Variants in MAST4 observed in about 807,000 individuals in gnomAD.
MAST4 encodes the protein microtubule-associated serine/threonine-protein kinase 4.
A neutral mutation model predicts 162.7 loss-of-function variants in MAST4; 89 were observed. The ratio of observed to expected loss-of-function variants is 0.55; its 90% CI spans 0.46 to 0.65. The LOEUF is 0.65. Among genes scored for constraint, MAST4 ranks in the 30% least tolerant of loss-of-function variants. MAST4 has a pLI of 0.00. For missense variants in MAST4, 3,153 were observed against 3,374.0 expected (o/e 0.93, Z 1.62); for synonymous variants, 1,479 against 1,361.1 (o/e 1.09, Z -1.91).
intron 19 of MAST4, 81 bp from the exon 20 acceptor site, chr5:67,142,031 ATTG>A (rs983622424): frequency 9.3e-6 from 13 of 1,392,006 alleles, no homozygotes; most frequent in Middle Eastern, 1.8e-4. Flanking sequence ...TGTTCTCAAA[ATTG>A]TTGTTAAAAA....
intron 3 of MAST4, among the ~76,000 whole-genome samples, chr5:66,827,551 G>C (rs1757329917): frequency 6.6e-6 from 1 of 152,176 alleles, no homozygotes; most frequent in African/African-American, 2.4e-5. Context: ...TGTGTTGACA[G>C]ACAGAAAGAG....
intron 2 of MAST4, among the ~76,000 whole-genome samples, chr5:66,779,393 CTTTT>C (rs57118930): frequency 1.7e-5 from 2 of 116,708 alleles, no homozygotes; most frequent in African/African-American, 3.2e-5. Context: ...ACACATAGCA[CTTTT>C]TTTTTTTTTT....
intron 4 of MAST4, among the ~76,000 whole-genome samples, chr5:66,976,341 G>T (rs1192858255): frequency 1.3e-5 from 2 of 152,188 alleles, no homozygotes; most frequent in Non-Finnish European, 2.9e-5. Context: ...CAGGCCTCTT[G>T]ATCTGCACTG....
At chr5:67,107,560 G>C (rs1322271195) in intron 10 of MAST4, among the ~76,000 whole-genome samples, 1 of 152,158 alleles carries the variant, frequency 6.6e-6, no homozygotes, top group Non-Finnish European at 1.5e-5. Flanking sequence ...CCATTGCAGA[G>C]GGGCCTGCCC....
chr5:66,783,125 G>A (rs910703774), intron 2 of MAST4, among the ~76,000 whole-genome samples: 4 of 152,120 alleles, frequency 2.6e-5, no homozygotes, highest in African/African-American at 9.7e-5. Context: ...CAAGACCTAC[G>A]CAAATAACGA....
intron 1 of MAST4, among the ~76,000 whole-genome samples, chr5:66,609,692 T>G (rs74748195): frequency 1.7e-4 from 20 of 116,196 alleles, no homozygotes; most frequent in African/African-American, 1.0e-3. Flanking sequence ...CAGCCTGGTG[T>G]TTTTTTTTTT....
intron 4 of MAST4, among the ~76,000 whole-genome samples, chr5:67,002,952 A>G (rs1234266793): frequency 6.7e-6 from 1 of 148,578 alleles, no homozygotes; most frequent in Non-Finnish European, 1.5e-5. Flanking sequence ...CAGCACTGGC[A>G]TCTAGTAGGT....
rs1182075077 is a variant in MAST4 at position 66,919,968 on chromosome 5, CCTTCCTTCTT to C, written c.674+19987_674+19996del. Among the ~76,000 whole-genome samples the C allele has an allele frequency of 2.3e-3, 243 of 105,498 alleles. 2 individuals carry two copies. Among genetic ancestry groups the C allele is most frequent in the Middle Eastern group, 0.011 (2 of 182 alleles). The allele number at this position is 105,498 out of a possible 152,430, so 69.2% of individuals were successfully genotyped here. A position where few individuals can be genotyped will look rare whatever the true frequency, so the allele number is the denominator to read the frequency against. ...TCCTTCCTTCCTTCCTTCCTTCCTT[CCTTCCTTCTT>C]TCTCTCTCTCTCTCTCTCTCTTTCT... On this transcript the variant is annotated intron_variant, in intron 4 of 28. Coordinates refer to ENST00000403625, the MANE Select transcript of MAST4 (RefSeq NM_001164664.2).
intron 14 of MAST4, among the ~76,000 whole-genome samples, chr5:67,129,311 A>C (rs1224225643): frequency 6.6e-6 from 1 of 152,214 alleles, no homozygotes; most frequent in Non-Finnish European, 1.5e-5. Flanking sequence ...TGTTAAACAC[A>C]TACTTCTCAT....
chr5:67,049,908 G>A (rs1757961277), intron 4 of MAST4, among the ~76,000 whole-genome samples: 1 of 152,192 alleles, frequency 6.6e-6, no homozygotes, highest in Admixed American at 6.5e-5. Context: ...CAGAGACCTG[G>A]TAGGGGATGG....
intron 4 of MAST4, among the ~76,000 whole-genome samples, chr5:66,988,290 A>G (rs778545890): frequency 6.6e-6 from 1 of 152,078 alleles, no homozygotes; most frequent in Non-Finnish European, 1.5e-5. Context: ...TAGAGAAAAA[A>G]CTTTGGGAAG....
At chr5:67,080,286 A>G (rs1388447642) in intron 5 of MAST4, among the ~76,000 whole-genome samples, 2 of 152,316 alleles carry the variant, frequency 1.3e-5, no homozygotes, top group East Asian at 1.9e-4. Flanking sequence ...CCTTTTATGT[A>G]CCTACTTTTT....
chr5:66,721,902 T>G (rs1219044333), intron 1 of MAST4, among the ~76,000 whole-genome samples: 2 of 152,058 alleles, frequency 1.3e-5, no homozygotes, highest in Non-Finnish European at 2.9e-5. Context: ...TCTAGGCTAT[T>G]GGGCAACTCT....
intron 2 of MAST4, among the ~76,000 whole-genome samples, chr5:66,781,079 C>T (rs780689050): frequency 4.6e-5 from 7 of 152,278 alleles, no homozygotes; most frequent in South Asian, 2.1e-4. Flanking sequence ...TATTCCATTG[C>T]GCTCCATTCA....
chr5:66,753,216 A>T (rs1202927417), intron 1 of MAST4, among the ~76,000 whole-genome samples: 2 of 152,210 alleles, frequency 1.3e-5, no homozygotes, highest in Admixed American at 1.3e-4. Context: ...TCCAAAATTG[A>T]CACCCTAATA....
intron 23 of MAST4, among the ~76,000 whole-genome samples, chr5:67,146,109 T>G (rs1345021911): frequency 6.6e-6 from 1 of 152,136 alleles, no homozygotes; most frequent in South Asian, 2.1e-4. Flanking sequence ...GTAATTGGAG[T>G]AAGAAACTCT....
intron 3 of MAST4, among the ~76,000 whole-genome samples, chr5:66,804,011 T>C (rs1252339398): frequency 6.6e-6 from 1 of 152,128 alleles, no homozygotes; most frequent in Non-Finnish European, 1.5e-5. Flanking sequence ...TTTCTTTTGC[T>C]ATTAAGTGCT....
intron 4 of MAST4, among the ~76,000 whole-genome samples, chr5:66,997,677 C>A (rs908927859): frequency 1.3e-5 from 2 of 152,074 alleles, no homozygotes; most frequent in Non-Finnish European, 2.9e-5. Flanking sequence ...AGGTGCACCA[C>A]CTGCCTCCCA....
In MAST4 at chr5:67,167,434, T is replaced by A. The variant is rs1774184420; in HGVS notation, c.*383T>A. On this transcript the variant is annotated 3_prime_UTR_variant, in exon 29 of 29. Transcript: ENST00000403625. Reference sequence around the variant, plus strand: ...AGCTTTTTTTAAATAAGATTTTTGCTTTACCATTTATCATAATGTAGTAAT... The same window carrying A: ...AGCTTTTTTTAAATAAGATTTTTGCATTACCATTTATCATAATGTAGTAAT... The A allele has an allele frequency of 6.2e-6, 1 of 162,354 alleles. No homozygotes were observed. The allele number at this position is 162,354 out of a possible 1,614,324, so 10.1% of individuals were successfully genotyped here.
Sources: allele counts gnomAD v4.1 joint callset (sites outside exome capture counted in the v4.1 genomes callset), GRCh38; gene constraint gnomAD v4.1.1; transcripts MANE v1.5; gene names NCBI Gene and HGNC (gene_info 2026-07-23, HGNC 2026-07-21).